Variants in DNM1 observed in about 807,000 individuals in gnomAD.
DNM1 encodes dynamin 1, also known as dynamin-1.
DNM1 carries 29 observed loss-of-function variants against 104.6 expected under a neutral mutation model. The observed-to-expected ratio is 0.28, with a 90% confidence interval of 0.21 to 0.38. The LOEUF (loss-of-function observed/expected upper bound fraction) is 0.38, where lower values mean the gene tolerates loss of function less well. Ranked by LOEUF, DNM1 falls within the 10% of genes least tolerant of loss-of-function variation. The pLI, the probability that DNM1 is intolerant of heterozygous loss-of-function variation, is 1.00. For synonymous variants in DNM1, 445 were observed against 475.8 expected, an observed-to-expected ratio of 0.94 and a Z score of 0.84; for missense variants, 640 against 1,189.4, an observed-to-expected ratio of 0.54 and a Z score of 6.79.
At position 128,239,974 on chromosome 9, in the gene DNM1, C is replaced by T; in HGVS notation, c.1546-11C>T. 6.2e-7 allele frequency: 1 copy of T among 1,614,144 alleles called. No homozygotes were observed. The highest frequency in any genetic ancestry group is 1.7e-5 in the Admixed American group (1 of 60,018). ...ATGCCTCTCGTGGTTGCTATGGTTA[C>T]CTCTTTGCAGGATGAGATTCTGGTG... is the stretch of plus-strand genomic sequence containing the variant. On this transcript the variant is annotated splice_polypyrimidine_tract_variant and intron_variant, in intron 13 of 21. Transcript: ENST00000372923.
In DNM1 at chr9:128,230,153, G is replaced by C. The variant is rs766543645; in HGVS notation, c.1336-3868G>C. 3.3e-5 allele frequency among the ~76,000 whole-genome samples: 5 copies of C among 150,430 alleles called. No individual in the cohort carries two copies. In the South Asian group the frequency reaches 1.0e-3, roughly 31 times the overall value. ...AATTGCTTGAACCCAGGAGGCGGAGGTTGCAGTTAGCCAAGATTGAGCCAT... is the reference window on the plus strand; with the variant it reads ...AATTGCTTGAACCCAGGAGGCGGAGCTTGCAGTTAGCCAAGATTGAGCCAT... On this transcript the variant is annotated intron_variant, in intron 10 of 21. Transcript: ENST00000372923.
chr9:128,222,495 C>T lies in DNM1; in HGVS notation c.1027C>T (p.Arg343Cys), dbSNP rs778955338. 11 of 1,614,038 alleles carry T rather than the reference C, an allele frequency of 6.8e-6. No individual in the cohort carries two copies. The highest frequency in any genetic ancestry group is 2.2e-5 in the East Asian group (1 of 44,890). The part of the protein sequence containing the change: ...VQQFAVDFEK[R>C]IEGSGDQIDT... ...GCAGTTCGCCGTAGACTTTGAGAAG[C>T]GCATTGAGGGCTCAGGAGATCAGAT... The change falls in exon 8 of 22, where the codon CGC becomes TGC. Residue 343 changes from arginine to cysteine, a missense_variant. This residue lies in a region of DNM1 where 38 missense variants were observed against 113.5 expected (regional missense o/e 0.33). Transcript: ENST00000372923. This position sits in a 1 kb window ranked among gnomAD's most constrained non-coding sequence, Gnocchi z 7.8.
chr9:128,233,098 G>A (rs10987940), intron 10 of DNM1, among the ~76,000 whole-genome samples: 1 of 152,244 alleles, frequency 6.6e-6, no homozygotes, highest in Non-Finnish European at 1.5e-5. Flanking sequence ...TGTGCCCAGA[G>A]CCCGACTGAG....
chr9:128,250,457 T>G, intron 20 of DNM1, 101 bp downstream of exon 20: 1 of 1,309,214 alleles, frequency 7.6e-7, no homozygotes, highest in Non-Finnish European at 1.0e-6. Context: ...CCGGGGTGGC[T>G]CCCACCTGGA....
chr9:128,240,108 C>A lies in DNM1; in HGVS notation c.1557+112C>A. The stretch of plus-strand genomic sequence containing the variant: ...CACCCTTTGGCTGAAGCTGCTTGTA[C>A]ACACCAGCCCCTGGCATTTCACACC... On this transcript the variant is annotated intron_variant, in intron 14 of 21. Transcript: ENST00000372923. This position sits in a 1 kb window ranked among gnomAD's most constrained non-coding sequence, Gnocchi z 5.1. 8.0e-7 allele frequency: 1 copy of A among 1,251,132 alleles called. No homozygotes were observed. The highest frequency in any genetic ancestry group is 1.2e-6 in the Non-Finnish European group (1 of 854,816). 77.5% of individuals were successfully genotyped at this position (1,251,132 alleles called of 1,614,324 possible).
chr9:128,208,464 C>T (rs1588316709), intron 1 of DNM1, among the ~76,000 whole-genome samples: 4 of 152,332 alleles, frequency 2.6e-5, no homozygotes, highest in Admixed American at 2.6e-4. Context: ...CAGCCCCCTC[C>T]CCACTATTAA....
At chr9:128,241,512 A>C (rs1836362704) in intron 14 of DNM1, among the ~76,000 whole-genome samples, 1 of 152,172 alleles carries the variant, frequency 6.6e-6, no homozygotes. Flanking sequence ...ATTTATTCAT[A>C]CTACAAATAT....
At position 128,203,380 on chromosome 9, in the gene DNM1, G is replaced by C; in HGVS notation, c.-91G>C. 1 of 1,254,634 alleles carries C rather than the reference G, an allele frequency of 8.0e-7. No individual in the cohort carries two copies. Among genetic ancestry groups the C allele is most frequent in the Non-Finnish European group, 1.0e-6 (1 of 988,928 alleles). 77.7% of individuals were successfully genotyped at this position (1,254,634 alleles called of 1,614,324 possible). A position where few individuals can be genotyped will look rare whatever the true frequency, so the allele number is the denominator to read the frequency against. On this transcript the variant is annotated 5_prime_UTR_variant, in exon 1 of 22. Coordinates refer to ENST00000372923, the MANE Select transcript of DNM1 (RefSeq NM_004408.4). The surrounding 1 kb of genome is among the most constrained non-coding windows in gnomAD (Gnocchi z 5.3). ...GGGCGGGGGCCCCGCGGCGCAGGCA[G>C]TCTGGGCGCGCGGCTGCAGCGGCGG...
rs1554784647 is a variant in DNM1, at chr9:128,248,597, G to A, written c.1920G>A (p.Glu640=). 1 of 1,613,812 alleles carries A rather than the reference G, an allele frequency of 6.2e-7. No individual in the cohort carries two copies. Among genetic ancestry groups the A allele is most frequent in the Non-Finnish European group, 8.5e-7 (1 of 1,179,760 alleles). The change falls in exon 19 of 22, where the codon GAG becomes GAA. Residue 640 remains glutamate, a synonymous_variant. Transcript: ENST00000372923. This position sits in a 1 kb window ranked among gnomAD's most constrained non-coding sequence, Gnocchi z 5.6. Reference sequence around the variant, plus strand: ...CTCCATGGCAGGCCAGCGAGACCGAGGAGAATGGCTCCGACAGCTTCATGC... The same window carrying A: ...CTCCATGGCAGGCCAGCGAGACCGAAGAGAATGGCTCCGACAGCTTCATGC... ...VGDKEKASET[E]ENGSDSFMHS...
chr9:128,236,322 G>A (rs1184873102), intron 11 of DNM1, among the ~76,000 whole-genome samples: 1 of 152,002 alleles, frequency 6.6e-6, no homozygotes, highest in Admixed American at 6.6e-5. Context: ...GCCCCCTCTG[G>A]CTCCCATTTC....
chr9:128,230,892 T>G (rs1008283511), intron 10 of DNM1, among the ~76,000 whole-genome samples: 2 of 152,094 alleles, frequency 1.3e-5, no homozygotes, highest in Non-Finnish European at 2.9e-5. Context: ...AACCTCTGCC[T>G]CCTGGATTCA....
chr9:128,218,954 G>T lies in DNM1; in HGVS notation c.386-95G>T, dbSNP rs1003737693. Reference sequence around the variant, plus strand: ...CCTAGTCCCACCCACCTGCCACCCTGCTCCCAAGCAGCTTCTCTAACCCCG... The same window carrying T: ...CCTAGTCCCACCCACCTGCCACCCTTCTCCCAAGCAGCTTCTCTAACCCCG... On this transcript the variant is annotated intron_variant, in intron 3 of 21. Coordinates refer to ENST00000372923, the MANE Select transcript of DNM1 (RefSeq NM_004408.4). This position sits in a 1 kb window ranked among gnomAD's most constrained non-coding sequence, Gnocchi z 4.8. 2 of 1,442,746 alleles carry T rather than the reference G, an allele frequency of 1.4e-6. No homozygotes were observed. Among genetic ancestry groups the T allele is most frequent in the Non-Finnish European group, 1.9e-6 (2 of 1,053,908 alleles). 89.4% of individuals were successfully genotyped at this position (1,442,746 alleles called of 1,614,324 possible).
chr9:128,223,594 G>A (rs1465724093), intron 9 of DNM1: 1 of 152,218 alleles, frequency 6.6e-6, no homozygotes, highest in Non-Finnish European at 1.5e-5. Flanking sequence ...CTCTTTCCTA[G>A]TCTTAAAACA....
chr9:128,210,101 A>G (rs776621163), intron 1 of DNM1, among the ~76,000 whole-genome samples: 1 of 152,062 alleles, frequency 6.6e-6, no homozygotes, highest in Non-Finnish European at 1.5e-5. Flanking sequence ...GCTGGAGTGC[A>G]GTGGGGCGAT....
At position 128,248,344 on chromosome 9, in the gene DNM1, C is replaced by A. The variant is rs184863641; in HGVS notation, c.1906-239C>A. On this transcript the variant is annotated intron_variant, in intron 18 of 21. Coordinates refer to ENST00000372923, the MANE Select transcript of DNM1 (RefSeq NM_004408.4). This position sits in a 1 kb window ranked among gnomAD's most constrained non-coding sequence, Gnocchi z 5.6. ...CTCAAAATAATAATAATAATAATTTCTGGATTGGGAAATTGAGGCAAATTC... is the reference window on the plus strand; with the variant it reads ...CTCAAAATAATAATAATAATAATTTATGGATTGGGAAATTGAGGCAAATTC... The A allele has an allele frequency of 5.7e-6, 3 of 523,348 alleles. No individual in the cohort carries two copies. Among genetic ancestry groups the A allele is most frequent in the Non-Finnish European group, 1.0e-5 (3 of 295,462 alleles). 32.4% of individuals were successfully genotyped at this position (523,348 alleles called of 1,614,324 possible).
At chr9:128,227,121 C>T (rs1835391984) in intron 10 of DNM1, among the ~76,000 whole-genome samples, 2 of 139,574 alleles carry the variant, frequency 1.4e-5, no homozygotes, top group South Asian at 4.7e-4. Context: ...TTCAAGTATT[C>T]TCCTGCCTCA....
intron 15 of DNM1, among the ~76,000 whole-genome samples, chr9:128,244,459 C>T (rs888704974): frequency 2.0e-5 from 3 of 152,074 alleles, no homozygotes; most frequent in African/African-American, 7.2e-5. Flanking sequence ...AACCACCAGC[C>T]CTCAGGTTTT....
intron 10 of DNM1, among the ~76,000 whole-genome samples, chr9:128,226,940 C>T (rs1835376645): frequency 6.6e-6 from 1 of 151,738 alleles, no homozygotes; most frequent in Non-Finnish European, 1.5e-5. Context: ...AAGGACTTCC[C>T]TATGCTGGTG....
chr9:128,252,998 ATG>A (rs1829621310), intron 21 of DNM1: 1 of 1,113,914 alleles, frequency 9.0e-7, no homozygotes, highest in Non-Finnish European at 1.4e-6. Flanking sequence ...GCCTCACAGC[ATG>A]TGTGTGCACG....
Sources: allele counts gnomAD v4.1 joint callset (sites outside exome capture counted in the v4.1 genomes callset), GRCh38; gene constraint gnomAD v4.1.1; regional missense constraint gnomAD v4.1.1; non-coding constraint Gnocchi (gnomAD v3.1); transcripts MANE v1.5; gene names NCBI Gene and HGNC (gene_info 2026-07-23, HGNC 2026-07-21).